The following TNS3 variants were observed in gnomAD, a reference collection of about 807,000 sequenced individuals.
TNS3 encodes the protein tensin-3.
TNS3 carries 45 observed loss-of-function variants against 140.9 expected under a neutral mutation model. The ratio of observed to expected loss-of-function variants is 0.32; its 90% confidence interval spans 0.25 to 0.41. The LOEUF (loss-of-function observed/expected upper bound fraction) is 0.41. Among genes scored for constraint, TNS3 ranks in the 10% least tolerant of loss-of-function variants. TNS3 has a pLI of 1.00. For synonymous variants in TNS3, 815 were observed against 788.4 expected (o/e 1.03, Z -0.56); for missense variants, 1,716 against 1,906.7 (o/e 0.90, Z 1.86).
chr7:47,562,114 T>C (rs917083009), intron 1 of TNS3, among the ~76,000 whole-genome samples: 5 of 152,178 alleles, frequency 3.3e-5, no homozygotes, highest in African/African-American at 9.7e-5. Flanking sequence ...CATTTCTCCA[T>C]TGCAGTAATG....
chr7:47,524,808 CAAGAA>C (rs1425026838), intron 2 of TNS3, among the ~76,000 whole-genome samples: 22 of 25,252 alleles, frequency 8.7e-4, no homozygotes, highest in Non-Finnish European at 1.5e-3. Flanking sequence ...GACTCCGTCT[CAAGAA>C]AAAAAAAAAA....
chr7:47,325,408 G>T (rs1391554462), intron 20 of TNS3, among the ~76,000 whole-genome samples: 2 of 152,140 alleles, frequency 1.3e-5, no homozygotes, highest in Admixed American at 1.3e-4. Flanking sequence ...CATTCTACCT[G>T]AGGCTAATCA....
chr7:47,336,345 G>A (rs995827172), intron 20 of TNS3, among the ~76,000 whole-genome samples: 3 of 152,114 alleles, frequency 2.0e-5, no homozygotes, highest in Non-Finnish European at 4.4e-5. Context: ...CTGTCAGCTG[G>A]CTCACAAAAT....
chr7:47,569,453 A>G (rs939089745), intron 1 of TNS3, among the ~76,000 whole-genome samples: 3 of 152,194 alleles, frequency 2.0e-5, no homozygotes, highest in African/African-American at 7.2e-5. Context: ...CTGAGGCAGG[A>G]GAATTGCTCG....
chr7:47,474,628 T>C (rs1293518194), intron 4 of TNS3, among the ~76,000 whole-genome samples: 6 of 98,098 alleles, frequency 6.1e-5, no homozygotes, highest in South Asian at 7.0e-4. Flanking sequence ...ACACAACACT[T>C]CACACACAAC....
chr7:47,331,632 T>G (rs1317545863), intron 20 of TNS3, among the ~76,000 whole-genome samples: 1 of 152,212 alleles, frequency 6.6e-6, no homozygotes. Context: ...TCATTCCAAA[T>G]GATGGAATTC....
At chr7:47,528,346 C>T (rs1206349201) in intron 2 of TNS3, among the ~76,000 whole-genome samples, 4 of 152,196 alleles carry the variant, frequency 2.6e-5, no homozygotes, top group African/African-American at 9.7e-5. Flanking sequence ...CAGAAGCCCA[C>T]AGGCTGAGAC....
intron 4 of TNS3, among the ~76,000 whole-genome samples, chr7:47,446,043 AACT>A (rs369386206): frequency 2.2e-5 from 3 of 134,878 alleles, no homozygotes; most frequent in African/African-American, 7.8e-5. Flanking sequence ...AGGTTTAAAA[AACT>A]CTCTCTACTT....
intron 3 of TNS3, among the ~76,000 whole-genome samples, chr7:47,501,765 G>A (rs1024456503): frequency 2.6e-5 from 4 of 152,178 alleles, no homozygotes; most frequent in South Asian, 2.1e-4. Context: ...TCACTGTCTC[G>A]TGGGAGGACT....
intron 2 of TNS3, among the ~76,000 whole-genome samples, chr7:47,524,775 G>A (rs1264962002): frequency 7.7e-6 from 1 of 130,032 alleles, no homozygotes; most frequent in South Asian, 2.7e-4. Flanking sequence ...GCAGTCCGCA[G>A]TCCGGCCTGG....
chr7:47,296,462 A>T (rs1242403438), intron 24 of TNS3, among the ~76,000 whole-genome samples: 1 of 152,236 alleles, frequency 6.6e-6, no homozygotes, highest in Non-Finnish European at 1.5e-5. Flanking sequence ...TGGGTATTAT[A>T]CCCAAAGGAA....
At chr7:47,425,263 G>A (rs1179159146) in intron 9 of TNS3, among the ~76,000 whole-genome samples, 1 of 152,150 alleles carries the variant, frequency 6.6e-6, no homozygotes, top group African/African-American at 2.4e-5. Context: ...GTTGTAGTGA[G>A]CAGAGATCGC....
Position 47,368,762 on chromosome 7 carries a change from T to C in TNS3, c.1884A>G (p.Arg628=), listed in dbSNP as rs1316509448. The C allele has an allele frequency of 6.3e-7, 1 of 1,590,704 alleles. No individual in the cohort carries two copies. Among genetic ancestry groups the C allele is most frequent in the South Asian group, 1.2e-5 (1 of 86,860 alleles). Residue 628 remains arginine, a synonymous_variant, in exon 17 of 31, where the codon AGA becomes AGG. Transcript: ENST00000311160. ...DNPGLVQAQP[R]VPLTPTRGTS... ...TCCCTCGGGTGGGGGTGAGTGGCACTCTGGGCTGGGCCTGGACGAGGCCAG... is the reference window on the plus strand; with the variant it reads ...TCCCTCGGGTGGGGGTGAGTGGCACCCTGGGCTGGGCCTGGACGAGGCCAG...
intron 20 of TNS3, among the ~76,000 whole-genome samples, chr7:47,322,791 C>T (rs529688932): frequency 6.6e-6 from 1 of 152,236 alleles, no homozygotes; most frequent in East Asian, 1.9e-4. Context: ...CTACCCGGGG[C>T]ATGAAGCCCT....
At chr7:47,458,296 G>A (rs1183886117) in intron 4 of TNS3, among the ~76,000 whole-genome samples, 1 of 152,198 alleles carries the variant, frequency 6.6e-6, no homozygotes, top group Non-Finnish European at 1.5e-5. Flanking sequence ...GTCACCTGGG[G>A]CTCTGCCAAA....
chr7:47,297,713 C>T (rs541736694), intron 23 of TNS3, among the ~76,000 whole-genome samples: 20 of 152,218 alleles, frequency 1.3e-4, no homozygotes, highest in African/African-American at 4.6e-4. Flanking sequence ...GGACACTGCC[C>T]CCTGTGGCAT....
chr7:47,406,824 G>A (rs1387138405), intron 13 of TNS3, among the ~76,000 whole-genome samples: 1 of 152,176 alleles, frequency 6.6e-6, no homozygotes, highest in Non-Finnish European at 1.5e-5. Context: ...CTCAACTTAA[G>A]GATTGCTCAG....
chr7:47,382,050 G>A (rs931553595), intron 16 of TNS3, among the ~76,000 whole-genome samples: 2 of 152,178 alleles, frequency 1.3e-5, no homozygotes, highest in African/African-American at 4.8e-5. Flanking sequence ...ATATGGCTAG[G>A]GGGTCCCAGC....
Position 47,369,137 on chromosome 7 carries a change from C to T in TNS3, c.1509G>A (p.Gln503=), listed in dbSNP as rs1404060287. The change falls in exon 17 of 31, where the codon CAG becomes CAA. Residue 503 remains glutamine, a synonymous_variant. Coordinates refer to ENST00000311160, the MANE Select transcript of TNS3 (RefSeq NM_022748.12). ...AGGTGAAGGGACCCAGGTGGGCCGA[C>T]TGAGGCCCTTCCGAGGAGGACAGGG... ...LGTLSSSEGP[Q]SAHLGPFTCH... 1 of 1,613,968 alleles carries T rather than the reference C, an allele frequency of 6.2e-7. No homozygotes were observed. The highest frequency in any genetic ancestry group is 8.5e-7 in the Non-Finnish European group (1 of 1,180,032).
Sources: gnomAD v4.1 joint callset for allele counts (sites outside exome capture counted in the v4.1 genomes callset) on GRCh38, gnomAD v4.1.1 for gene constraint, MANE v1.5 for transcripts, NCBI Gene and HGNC (gene_info 2026-07-23, HGNC 2026-07-21) for gene names.